SNRPN: variants seen among roughly 807,000 people sequenced by gnomAD.
SNRPN encodes the protein small nuclear ribonucleoprotein polypeptide N.
A neutral mutation model predicts 25.2 loss-of-function variants in SNRPN; 7 were observed. The observed-to-expected ratio is 0.28, with a 90% CI of 0.16 to 0.52. The LOEUF (loss-of-function observed/expected upper bound fraction) is 0.52, where lower values mean the gene tolerates loss of function less well. Among genes scored for constraint, SNRPN ranks in the 20% least tolerant of loss-of-function variants. The probability of loss-of-function intolerance (pLI) is 0.96; values close to 1 mark genes in which losing one functional copy is unlikely to be tolerated. For missense variants in SNRPN, 196 were observed against 322.5 expected (o/e 0.61, Z 3.00); for synonymous variants, 124 against 110.6 (o/e 1.12, Z -0.76).
intron 1 of SNRPN, among the ~76,000 whole-genome samples, chr15:24,880,955 G>A (rs1224293864): frequency 3.9e-5 from 6 of 151,998 alleles, no homozygotes; most frequent in South Asian, 4.1e-4. Context: ...GTGATTACAG[G>A]CATAAACCTC....
intron 2 of SNRPN, among the ~76,000 whole-genome samples, chr15:24,913,653 C>A (rs1028101761): frequency 3.1e-4 from 44 of 140,960 alleles, no homozygotes; most frequent in South Asian, 6.6e-4. Flanking sequence ...CTCAAAAAAA[C>A]AAAACAAAAC....
chr15:24,902,926 C>A (rs531966301), intron 2 of SNRPN, among the ~76,000 whole-genome samples: 63 of 152,298 alleles, frequency 4.1e-4, no homozygotes, highest in African/African-American at 1.5e-3. Context: ...GCTCCGGTGG[C>A]CAGCTTTTAT....
intron 2 of SNRPN, among the ~76,000 whole-genome samples, chr15:24,832,540 T>C (rs1313038181): frequency 1.3e-5 from 2 of 151,970 alleles, no homozygotes; most frequent in African/African-American, 4.8e-5. Context: ...GGCACTCTGA[T>C]AGGACAGAAA....
rs539489700 is a variant in SNRPN at position 24,905,238 on chromosome 15, C to T, written c.-504-14773C>T. Among the ~76,000 whole-genome samples, 25 of 152,042 alleles carry T rather than the reference C, an allele frequency of 1.6e-4. No homozygotes were observed. The East Asian group carries it at 1.7e-3, about 11-fold the overall frequency. On this transcript the variant is annotated intron_variant, in intron 2 of 11. Transcript: ENST00000400097. ...AAAAAATAACAGGGAGGACCGGGTG[C>T]GGTGGCTCAGACCTGTAAACCCAGC... is the stretch of plus-strand genomic sequence containing the variant.
chr15:24,840,731 T>A (rs2051616046), intron 2 of SNRPN, among the ~76,000 whole-genome samples: 1 of 152,220 alleles, frequency 6.6e-6, no homozygotes, highest in South Asian at 2.1e-4. Flanking sequence ...AGCCAGGGGC[T>A]TGCCTGTATC....
chr15:24,844,474 T>A (rs1278296094), intron 2 of SNRPN, among the ~76,000 whole-genome samples: 1 of 152,168 alleles, frequency 6.6e-6, no homozygotes, highest in African/African-American at 2.4e-5. Context: ...CTTAACAGTG[T>A]CTGTCAAAGA....
intron 1 of SNRPN, among the ~76,000 whole-genome samples, chr15:24,870,827 C>T (rs2055024006): frequency 1.3e-5 from 2 of 151,010 alleles, no homozygotes; most frequent in Non-Finnish European, 3.0e-5. Context: ...CTCTGTATTC[C>T]TCTATGGGAT....
At chr15:24,826,038 A>G (rs1407269697) in intron 1 of SNRPN, among the ~76,000 whole-genome samples, 1 of 152,052 alleles carries the variant, frequency 6.6e-6, no homozygotes, top group Admixed American at 6.5e-5. Context: ...GGATTGTTGC[A>G]AGATGGCCGT....
intron 1 of SNRPN, among the ~76,000 whole-genome samples, chr15:24,874,749 G>T (rs370314728): frequency 6.6e-6 from 1 of 152,278 alleles, no homozygotes; most frequent in East Asian, 1.9e-4. Context: ...AAATAGGAGA[G>T]TAGGACTCTG....
At position 24,960,624 on chromosome 15, in the gene SNRPN, T is replaced by C. The variant is rs137874330; in HGVS notation, c.-390-1490T>C. On this transcript the variant is annotated intron_variant, in intron 1 of 9. Transcript: ENST00000390687. ...CCTCATTGGGATTTTGATTTGCATT[T>C]TTTAGTGACTAATGTTCAGCATCAT... Among the ~76,000 whole-genome samples, 255 of 152,316 alleles carry C rather than the reference T, an allele frequency of 1.7e-3. 1 individual carries two copies. The highest frequency in any genetic ancestry group is 6.0e-3 in the African/African-American group (249 of 41,576).
At position 24,974,196 on chromosome 15, in the gene SNRPN, A is replaced by AT; in HGVS notation, c.-143-114dup. On this transcript the variant is annotated intron_variant, in intron 3 of 9. Transcript: ENST00000390687. ...GCAGTCCCTTGGTGAGGAAGCTAGT[A>AT]TGAGAGGAAGGATGTTTTTGAACGT... The AT allele has an allele frequency of 9.8e-6, 5 of 509,092 alleles. No individual in the cohort carries two copies. The South Asian group carries it at 1.2e-4, about 12-fold the overall frequency. 31.5% of individuals were successfully genotyped at this position (509,092 alleles called of 1,614,324 possible). A position where few individuals can be genotyped will look rare whatever the true frequency, so the allele number is the denominator to read the frequency against.
chr15:24,824,479 T>C (rs28507778), intron 1 of SNRPN, among the ~76,000 whole-genome samples: 2,840 of 152,176 alleles, frequency 0.019, 114 homozygotes, highest in African/African-American at 0.066. Flanking sequence ...TACAGAGATG[T>C]ATTATTTTCT....
chr15:24,878,400 C>T (rs2056207848), intron 1 of SNRPN, among the ~76,000 whole-genome samples: 1 of 152,224 alleles, frequency 6.6e-6, no homozygotes, highest in African/African-American at 2.4e-5. Flanking sequence ...AGAACGGCAG[C>T]CCGCAGGGGC....
chr15:24,946,973 C>T (rs1011454559), intron 3 of SNRPN, among the ~76,000 whole-genome samples: 5 of 152,014 alleles, frequency 3.3e-5, no homozygotes, highest in South Asian at 2.1e-4. Flanking sequence ...TAGTCTTTCT[C>T]GTTTTATTAC....
chr15:24,888,112 C>T (rs1595712094), intron 2 of SNRPN, among the ~76,000 whole-genome samples: 6 of 139,898 alleles, frequency 4.3e-5, no homozygotes, highest in Non-Finnish European at 3.1e-5. Context: ...TTAGAAATGA[C>T]TTTTTTTTTT....
At chr15:24,914,638 C>G (rs2059411563) in intron 2 of SNRPN, among the ~76,000 whole-genome samples, 1 of 152,176 alleles carries the variant, frequency 6.6e-6, no homozygotes, top group Non-Finnish European at 1.5e-5. Flanking sequence ...GCTCCAGAGT[C>G]TAATTCACCA....
chr15:24,830,536 TG>T (rs2141434942), intron 2 of SNRPN, among the ~76,000 whole-genome samples: 1 of 152,232 alleles, frequency 6.6e-6, no homozygotes, highest in South Asian at 2.1e-4. Context: ...GTTTGAATTT[TG>T]GGTTTCAACT....
At chr15:24,881,911 G>T (rs1305596580) in intron 1 of SNRPN, among the ~76,000 whole-genome samples, 1 of 152,110 alleles carries the variant, frequency 6.6e-6, no homozygotes, top group African/African-American at 2.4e-5. Flanking sequence ...TCCTGGGCAG[G>T]CAAAAGAGCG....
upstream of SNRPN, among the ~76,000 whole-genome samples, chr15:24,950,199 C>T (rs575678190): frequency 9.3e-5 from 14 of 150,136 alleles, no homozygotes; most frequent in East Asian, 1.6e-3. Flanking sequence ...TTTTTTGAGA[C>T]GGAGTCTCAC....
Sources: gnomAD v4.1 joint callset for allele counts (sites outside exome capture counted in the v4.1 genomes callset) on GRCh38, gnomAD v4.1.1 for gene constraint, MANE v1.5 for transcripts, NCBI Gene and HGNC (gene_info 2026-07-23, HGNC 2026-07-21) for gene names.